Variants in HTR4 observed in about 807,000 individuals in gnomAD.
The protein encoded by HTR4 is 5-hydroxytryptamine receptor 4.
In HTR4, 16 loss-of-function variants were observed where a neutral mutation model predicts 36.8. That is an observed-to-expected ratio of 0.43 (90% CI 0.29 to 0.66). The LOEUF is 0.66. HTR4 is among the 30% of genes least tolerant of loss of function. HTR4 has a pLI of 0.13. For missense variants in HTR4, 438 were observed against 490.9 expected (o/e 0.89, Z 1.02); for synonymous variants, 189 against 185.1 (o/e 1.02, Z -0.17).
intron 2 of HTR4, among the ~76,000 whole-genome samples, chr5:148,622,208 G>A (rs1260905539): frequency 6.6e-6 from 1 of 152,146 alleles, no homozygotes; most frequent in Non-Finnish European, 1.5e-5. Flanking sequence ...CTTCTCTGTG[G>A]TTTAAAATTG....
At chr5:148,509,350 C>G (rs952551515) in intron 6 of HTR4, 106 bp downstream of exon 6, 5 of 786,132 alleles carry the variant, frequency 6.4e-6, no homozygotes, top group Non-Finnish European at 8.1e-6. Flanking sequence ...TTTGCAAACT[C>G]TATGCAGGTT....
intron 2 of HTR4, among the ~76,000 whole-genome samples, chr5:148,632,408 G>A (rs1230351005): frequency 2.0e-5 from 3 of 152,094 alleles, no homozygotes; most frequent in Non-Finnish European, 4.4e-5. Context: ...AGAAGAAGCC[G>A]ATCCTTAAAT....
intron 2 of HTR4, among the ~76,000 whole-genome samples, chr5:148,555,209 T>C (rs1759890431): frequency 6.6e-6 from 1 of 152,134 alleles, no homozygotes; most frequent in Non-Finnish European, 1.5e-5. Flanking sequence ...CCTTATAACA[T>C]GAATTCTCCA....
chr5:148,576,391 T>C (rs4315915), intron 2 of HTR4, among the ~76,000 whole-genome samples: 48,204 of 151,726 alleles, frequency 0.32, 11,145 homozygotes, highest in African/African-American at 0.65. Flanking sequence ...GGCTATACTG[T>C]CCAAAGCAGT....
At chr5:148,492,680 T>C (rs1196841150) in intron 6 of HTR4, among the ~76,000 whole-genome samples, 1 of 152,250 alleles carries the variant, frequency 6.6e-6, no homozygotes, top group Non-Finnish European at 1.5e-5. Flanking sequence ...CCTGAACGGA[T>C]GTTATCAATT....
chr5:148,642,431 G>C (rs953257916), intron 1 of HTR4, among the ~76,000 whole-genome samples: 3 of 152,204 alleles, frequency 2.0e-5, no homozygotes, highest in Non-Finnish European at 4.4e-5. Flanking sequence ...GAAACTTGTA[G>C]AATGTCTCAA....
chr5:148,592,213 C>T (rs913542289), intron 2 of HTR4, among the ~76,000 whole-genome samples: 7 of 152,022 alleles, frequency 4.6e-5, no homozygotes, highest in African/African-American at 1.7e-4. Flanking sequence ...AAGGAAACAA[C>T]AAACACTGGA....
At chr5:148,645,994 C>A (rs1753868494) in intron 1 of HTR4, 2 of 152,236 alleles carry the variant, frequency 1.3e-5, no homozygotes, top group Admixed American at 6.5e-5. Flanking sequence ...TGCATTTCAG[C>A]TAAATTAACT....
At chr5:148,490,371 A>G (rs1299590576) in intron 6 of HTR4, among the ~76,000 whole-genome samples, 1 of 152,026 alleles carries the variant, frequency 6.6e-6, no homozygotes, top group Non-Finnish European at 1.5e-5. Context: ...GATTCAGTAA[A>G]GGAAAGCAGA....
At chr5:148,515,126 A>G (rs1359732306) in intron 5 of HTR4, among the ~76,000 whole-genome samples, 2 of 152,044 alleles carry the variant, frequency 1.3e-5, no homozygotes, top group Non-Finnish European at 2.9e-5. Context: ...GCTTATTTTC[A>G]GAATAATACC....
chr5:148,458,096 T>G (rs1755163675), intron 5 of HTR4, among the ~76,000 whole-genome samples: 2 of 53,750 alleles, frequency 3.7e-5, no homozygotes, highest in East Asian at 5.7e-4. Context: ...TATATTATAT[T>G]TTAATATCTA....
Position 148,490,514 on chromosome 5 carries a change from A to T in HTR4, c.1077-7221T>A, listed in dbSNP as rs185172856. 381 of 1,048,664 alleles carry T rather than the reference A, an allele frequency of 3.6e-4. 2 individuals are homozygous for T. In the African/African-American group the frequency reaches 5.8e-3, roughly 16 times the overall value. The allele number at this position is 1,048,664 out of a possible 1,614,324, so 65.0% of individuals were successfully genotyped here. A position where few individuals can be genotyped will look rare whatever the true frequency, so the allele number is the denominator to read the frequency against. On this transcript the variant is annotated intron_variant, in intron 6 of 6. Coordinates refer to ENST00000377888, the MANE Select transcript of HTR4 (RefSeq NM_000870.7). Reference sequence around the variant, plus strand: ...TAGAGTTTGCTGTCCCCTACACTTAACTGCACTGTGGGACGATGCTTATGA... The same window carrying T: ...TAGAGTTTGCTGTCCCCTACACTTATCTGCACTGTGGGACGATGCTTATGA...
intron 2 of HTR4, among the ~76,000 whole-genome samples, chr5:148,569,053 T>C (rs1314886360): frequency 6.6e-6 from 1 of 151,730 alleles, no homozygotes; most frequent in Admixed American, 6.6e-5. Flanking sequence ...GGGAAGTAGT[T>C]GTAGGGTCAA....
chr5:148,516,754 G>A (rs1757779469), intron 5 of HTR4, among the ~76,000 whole-genome samples: 1 of 151,752 alleles, frequency 6.6e-6, no homozygotes, highest in Non-Finnish European at 1.5e-5. Context: ...AGGGTCTGGT[G>A]ACTTAATTAA....
intron 2 of HTR4, among the ~76,000 whole-genome samples, chr5:148,608,664 C>A (rs2127277368): frequency 6.6e-6 from 1 of 152,286 alleles, no homozygotes; most frequent in Non-Finnish European, 1.5e-5. Context: ...AGCAGCATAA[C>A]AAGATTGACA....
rs540867994 is a variant in HTR4, at chr5:148,554,511, A to G, written c.27-4249T>C. Reference sequence around the variant, plus strand: ...TACATGAGGATTCTAGACTCAGAAAATTCATAGGGAAATTAAATAGAAAAG... The same window carrying G: ...TACATGAGGATTCTAGACTCAGAAAGTTCATAGGGAAATTAAATAGAAAAG... On this transcript the variant is annotated intron_variant, in intron 2 of 6. Coordinates refer to ENST00000377888, the MANE Select transcript of HTR4 (RefSeq NM_000870.7). 5.3e-5 allele frequency among the ~76,000 whole-genome samples: 8 copies of G among 152,334 alleles called. No individual in the cohort carries two copies. The East Asian group carries it at 1.5e-3, about 29-fold the overall frequency.
At chr5:148,556,591 T>C (rs1380685972) in intron 2 of HTR4, among the ~76,000 whole-genome samples, 1 of 152,142 alleles carries the variant, frequency 6.6e-6, no homozygotes, top group East Asian at 1.9e-4. Context: ...CATAAGCAAA[T>C]GCACAATTAA....
intron 2 of HTR4, among the ~76,000 whole-genome samples, chr5:148,625,749 T>C (rs1335048939): frequency 6.6e-6 from 1 of 151,960 alleles, no homozygotes; most frequent in South Asian, 2.1e-4. Flanking sequence ...CCCAGCTAAT[T>C]TTTGTATTTT....
chr5:148,528,174 G>A (rs1223939978), intron 4 of HTR4, among the ~76,000 whole-genome samples: 2 of 152,128 alleles, frequency 1.3e-5, no homozygotes, highest in Non-Finnish European at 2.9e-5. Context: ...ATTAGGTTAG[G>A]TAGATTGTTA....
Sources: allele counts gnomAD v4.1 joint callset (sites outside exome capture counted in the v4.1 genomes callset), GRCh38; gene constraint gnomAD v4.1.1; transcripts MANE v1.5; gene names NCBI Gene and HGNC (gene_info 2026-07-23, HGNC 2026-07-21).